The following ADAMTS2 variants were observed in gnomAD, a reference collection of about 807,000 sequenced individuals.
ADAMTS2 encodes ADAM metallopeptidase with thrombospondin type 1 motif 2.
In ADAMTS2, 50 loss-of-function variants were observed where a neutral mutation model predicts 123.0. That is an observed-to-expected ratio of 0.41 (90% CI 0.32 to 0.51). The LOEUF (loss-of-function observed/expected upper bound fraction) is 0.51, where lower values mean the gene tolerates loss of function less well. Among genes scored for constraint, ADAMTS2 ranks in the 20% least tolerant of loss-of-function variants. ADAMTS2 has a pLI of 0.35. For missense variants in ADAMTS2, 1,494 were observed against 1,705.2 expected (o/e 0.88, Z 2.18); for synonymous variants, 678 against 695.4 (o/e 0.98, Z 0.39).
At chr5:179,292,336 A>ACCCC (rs10682376) in intron 2 of ADAMTS2, among the ~76,000 whole-genome samples, 2 of 148,994 alleles carry the variant, frequency 1.3e-5, no homozygotes, top group African/African-American at 5.0e-5. Context: ...CTTTGCTATT[A>ACCCC]CCCCCCAGCT....
intron 3 of ADAMTS2, among the ~76,000 whole-genome samples, chr5:179,270,981 C>T (rs1200804137): frequency 6.6e-6 from 1 of 152,196 alleles, no homozygotes; most frequent in Non-Finnish European, 1.5e-5. Context: ...TCACCTCCTC[C>T]CCGACAGCCC....
intron 2 of ADAMTS2, among the ~76,000 whole-genome samples, chr5:179,310,802 G>C (rs925785193): frequency 6.6e-6 from 1 of 152,088 alleles, no homozygotes; most frequent in Admixed American, 6.5e-5. Context: ...CCTGCCCTGG[G>C]GACGCAGAGG....
intron 2 of ADAMTS2, among the ~76,000 whole-genome samples, chr5:179,299,903 G>A (rs1159640502): frequency 6.6e-6 from 1 of 151,780 alleles, no homozygotes; most frequent in Non-Finnish European, 1.5e-5. Context: ...GACCATCCTG[G>A]CTAACACAGT....
rs763744293 is a variant in ADAMTS2 at position 179,132,929 on chromosome 5, G to C, written c.2086-29C>G. ...TTGGGGGAGGAGGCAGTGAGCACTT[G>C]AGACGTCCTGCTAGTAGAGTCAGGG... On this transcript the variant is annotated intron_variant, in intron 13 of 21. Coordinates refer to ENST00000251582, the MANE Select transcript of ADAMTS2 (RefSeq NM_014244.5). The surrounding 1 kb of genome is among the most constrained non-coding windows in gnomAD (Gnocchi z 6.1). The C allele has an allele frequency of 1.2e-5, 20 of 1,610,668 alleles. No homozygotes were observed. The highest frequency in any genetic ancestry group is 4.4e-5 in the South Asian group (4 of 90,516).
At position 179,113,906 on chromosome 5, in the gene ADAMTS2, A is replaced by G. The variant is rs1245816073; in HGVS notation, c.3597T>C (p.Ile1199=). 4 of 1,614,034 alleles carry G rather than the reference A, an allele frequency of 2.5e-6. No individual in the cohort carries two copies. The highest frequency in any genetic ancestry group is 3.4e-6 in the Non-Finnish European group (4 of 1,180,010). The change falls in exon 22 of 22, where the codon ATT becomes ATC. Residue 1199 remains isoleucine (I), a synonymous_variant. Coordinates refer to ENST00000251582, the MANE Select transcript of ADAMTS2 (RefSeq NM_014244.5). ...GCATCTCTTTCTTCCGCATCTCATC[A>G]ATGAGCTCTTGGATTCTTTGGTTTC... ...KTRNQRIQEL[I]DEMRKKEMLG...
intron 5 of ADAMTS2, among the ~76,000 whole-genome samples, chr5:179,173,665 G>C (rs763612649): frequency 6.6e-6 from 1 of 152,210 alleles, no homozygotes; most frequent in African/African-American, 2.4e-5. Flanking sequence ...TTGGAACAGA[G>C]TTGTAGAAAT....
At chr5:179,293,257 G>C (rs1756238592) in intron 2 of ADAMTS2, among the ~76,000 whole-genome samples, 1 of 152,252 alleles carries the variant, frequency 6.6e-6, no homozygotes, top group African/African-American at 2.4e-5. Context: ...TCACAAAAGA[G>C]GCAGCGGCCT....
chr5:179,319,302 C>T (rs1302063144), intron 2 of ADAMTS2, among the ~76,000 whole-genome samples: 2 of 152,186 alleles, frequency 1.3e-5, no homozygotes, highest in Non-Finnish European at 2.9e-5. Context: ...CAGAAAAATG[C>T]CCCATGCATG....
At chr5:179,290,353 G>C (rs376595393) in intron 2 of ADAMTS2, among the ~76,000 whole-genome samples, 2 of 152,130 alleles carry the variant, frequency 1.3e-5, no homozygotes, top group South Asian at 2.1e-4. Context: ...GCACAAAAAG[G>C]CCTCACCAGA....
At chr5:179,195,181 G>A (rs1764397387) in intron 4 of ADAMTS2, among the ~76,000 whole-genome samples, 1 of 152,200 alleles carries the variant, frequency 6.6e-6, no homozygotes, top group Non-Finnish European at 1.5e-5. Context: ...GGGATGCGGA[G>A]GCCAGGAGTC....
chr5:179,283,337 G>GA (rs1007923579), intron 2 of ADAMTS2, among the ~76,000 whole-genome samples: 34 of 151,838 alleles, frequency 2.2e-4, no homozygotes, highest in African/African-American at 7.5e-4. Context: ...AGTAGAGGAA[G>GA]AAAAAAGGAA....
At position 179,225,986 on chromosome 5, in the gene ADAMTS2, G is replaced by A. The variant is rs190547989; in HGVS notation, c.689-18271C>T. ...CACGCCCACTGGGGCTTCAGGGGCT[G>A]CAAACATTCACCCCTAGACACTGCT... On this transcript the variant is annotated intron_variant, in intron 3 of 21. Coordinates refer to ENST00000251582, the MANE Select transcript of ADAMTS2 (RefSeq NM_014244.5). The surrounding 1 kb of genome is among the most constrained non-coding windows in gnomAD (Gnocchi z 4.5). Among the ~76,000 whole-genome samples the A allele has an allele frequency of 4.6e-4, 70 of 152,278 alleles. No homozygotes were observed. In the East Asian group the frequency reaches 0.012, roughly 26 times the overall value.
intron 3 of ADAMTS2, among the ~76,000 whole-genome samples, chr5:179,258,032 T>A (rs1398650010): frequency 6.6e-6 from 1 of 152,090 alleles, no homozygotes; most frequent in Non-Finnish European, 1.5e-5. Flanking sequence ...AGTGTGCCCA[T>A]ACGAGACCAC....
chr5:179,344,266 G>A (rs1454192627), intron 1 of ADAMTS2, 105 bp from the exon 2 acceptor site: 3 of 1,418,096 alleles, frequency 2.1e-6, no homozygotes, highest in African/African-American at 2.8e-5. Flanking sequence ...ACTGCGAAGG[G>A]AAGGGGCATT....
rs79368737 is a variant in ADAMTS2, at chr5:179,272,170, G to A, written c.688+741C>T. Among the ~76,000 whole-genome samples, 2,410 of 152,332 alleles carry A rather than the reference G, an allele frequency of 0.016. 67 individuals carry two copies. The highest frequency in any genetic ancestry group is 0.055 in the African/African-American group (2,269 of 41,582). On this transcript the variant is annotated intron_variant, in intron 3 of 21. Coordinates refer to ENST00000251582, the MANE Select transcript of ADAMTS2 (RefSeq NM_014244.5). The surrounding 1 kb of genome is among the most constrained non-coding windows in gnomAD (Gnocchi z 5.8). ...CACCACAATCCAGGACCAGAGACTG[G>A]GGGATGCTGGGAGGTGTGGGCTGGC...
rs1762600191 is a variant in ADAMTS2, at chr5:179,113,349, C to A, written c.*518G>T. On this transcript the variant is annotated 3_prime_UTR_variant, in exon 22 of 22. Coordinates refer to ENST00000251582, the MANE Select transcript of ADAMTS2 (RefSeq NM_014244.5). The stretch of plus-strand genomic sequence containing the variant: ...GGTCCCCAGCGGGCCACTACGCTCA[C>A]CCCGGTCAGCCGCCTGGCCCTGGAA... 2 of 181,554 alleles carry A rather than the reference C, an allele frequency of 1.1e-5. No individual in the cohort carries two copies. The highest frequency in any genetic ancestry group is 2.4e-5 in the Non-Finnish European group (2 of 84,634). The allele number at this position is 181,554 out of a possible 1,614,324, so 11.2% of individuals were successfully genotyped here. A position where few individuals can be genotyped will look rare whatever the true frequency, so the allele number is the denominator to read the frequency against.
rs2113161470 is a variant in ADAMTS2 at position 179,114,121 on chromosome 5, C to G, written c.3382G>C (p.Val1128Leu). Reference protein sequence around the residue: ...VFMPTLPVPTVAMEVRPSPST... With the variant: ...VFMPTLPVPTLAMEVRPSPST... The stretch of plus-strand genomic sequence containing the variant: ...GGTGATGGCCGCACCTCCATGGCTA[C>G]AGTGGGCACTGGGAGGGTAGGCATG... The change falls in exon 22 of 22, where the codon GTA (valine) becomes CTA (leucine). Residue 1128 changes from valine (V) to leucine (L), a missense_variant. Val to Leu is a conservative substitution (Grantham distance 32, BLOSUM62 1). Coordinates refer to ENST00000251582, the MANE Select transcript of ADAMTS2 (RefSeq NM_014244.5). The G allele has an allele frequency of 5.6e-6, 9 of 1,614,056 alleles. No homozygotes were observed. Among genetic ancestry groups the G allele is most frequent in the South Asian group, 3.3e-5 (3 of 91,072 alleles).
chr5:179,203,971 A>G (rs1361884868), intron 4 of ADAMTS2, among the ~76,000 whole-genome samples: 5 of 152,218 alleles, frequency 3.3e-5, no homozygotes, highest in African/African-American at 1.2e-4. Flanking sequence ...CTGGATAAAC[A>G]AAATGTGGCC....
intron 4 of ADAMTS2, among the ~76,000 whole-genome samples, chr5:179,206,691 A>T (rs1222421019): frequency 6.6e-6 from 1 of 152,186 alleles, no homozygotes; most frequent in Non-Finnish European, 1.5e-5. Flanking sequence ...TGCATTTTGA[A>T]GACTGGACGC....
Sources: allele counts gnomAD v4.1 joint callset (sites outside exome capture counted in the v4.1 genomes callset), GRCh38; gene constraint gnomAD v4.1.1; non-coding constraint Gnocchi (gnomAD v3.1); transcripts MANE v1.5; gene names NCBI Gene and HGNC (gene_info 2026-07-23, HGNC 2026-07-21).